Variants in TNKS observed in about 807,000 individuals in gnomAD.
The protein encoded by TNKS is tankyrase.
A neutral mutation model predicts 135.8 loss-of-function variants in TNKS; 72 were observed. The ratio of observed to expected loss-of-function variants is 0.53; its 90% confidence interval spans 0.44 to 0.64. The LOEUF (loss-of-function observed/expected upper bound fraction) is 0.64, where lower values mean the gene tolerates loss of function less well. TNKS is among the 30% of genes least tolerant of loss of function. The pLI is 0.00. For synonymous variants in TNKS, 849 were observed against 649.3 expected (o/e 1.31, Z -4.68); for missense variants, 1,769 against 1,674.0 (o/e 1.06, Z -0.99).
At chr8:9,749,630 A>G (rs1309475545) in intron 18 of TNKS, among the ~76,000 whole-genome samples, 1 of 151,938 alleles carries the variant, frequency 6.6e-6, no homozygotes, top group African/African-American at 2.4e-5. Flanking sequence ...ACATGCCACT[A>G]TGCCTGGCTA....
At chr8:9,715,872 C>G (rs1804578006) in intron 11 of TNKS, among the ~76,000 whole-genome samples, 1 of 152,096 alleles carries the variant, frequency 6.6e-6, no homozygotes, top group Non-Finnish European at 1.5e-5. Flanking sequence ...GACATGAAGA[C>G]TTTATCCTTC....
In TNKS at chr8:9,720,589, C is replaced by A. The variant is rs757469543; in HGVS notation, c.1921+44C>A. 1.3e-5 allele frequency: 21 copies of A among 1,562,824 alleles called. No individual in the cohort carries two copies. The South Asian group carries it at 2.4e-4, about 18-fold the overall frequency. On this transcript the variant is annotated intron_variant, in intron 12 of 26. Coordinates refer to ENST00000310430, the MANE Select transcript of TNKS (RefSeq NM_003747.3). ...ACAGGGCATTTTATGTTTTCTCTTC[C>A]ATCCCTGCTGAAATACACAGACAAA...
intron 3 of TNKS, among the ~76,000 whole-genome samples, chr8:9,654,903 G>T (rs1055955694): frequency 1.3e-5 from 2 of 151,372 alleles, no homozygotes; most frequent in African/African-American, 4.9e-5. Context: ...GTGGGTGCAG[G>T]ACAGTGGGTG....
At position 9,556,312 on chromosome 8, in the gene TNKS, A is replaced by G; in HGVS notation, c.373A>G (p.Ser125Gly). 1.2e-6 allele frequency: 2 copies of G among 1,614,224 alleles called. No individual in the cohort carries two copies. Among genetic ancestry groups the G allele is most frequent in the Non-Finnish European group, 1.7e-6 (2 of 1,180,020 alleles). The change falls in exon 1 of 27, where the codon AGT becomes GGT. Residue 125 changes from serine to glycine, a missense_variant. Around this residue, in one of 5 missense-constraint regions of TNKS, gnomAD observed 450 missense variants for 304.9 expected, o/e 1.48. Coordinates refer to ENST00000310430, the MANE Select transcript of TNKS (RefSeq NM_003747.3). ...CGCTCCCAACCCAGCCGGCAGTGGC[A>G]GTAACAATTCACCGTCGTCCTCTTC... ...GVAPNPAGSG[S>G]NNSPSSSSSP...
intron 5 of TNKS, among the ~76,000 whole-genome samples, chr8:9,684,566 A>G (rs1446904724): frequency 2.0e-5 from 3 of 152,114 alleles, no homozygotes; most frequent in Non-Finnish European, 4.4e-5. Context: ...ACTATTGCAC[A>G]TATTTCCAAA....
intron 3 of TNKS, among the ~76,000 whole-genome samples, chr8:9,616,879 C>T (rs1253099093): frequency 6.6e-6 from 1 of 152,146 alleles, no homozygotes; most frequent in Non-Finnish European, 1.5e-5. Context: ...CTCGGGCCTG[C>T]TCAGATTCTA....
In TNKS at chr8:9,693,231, G is replaced by T. The variant is rs574453988; in HGVS notation, c.1108-11432G>T. 2.0e-5 allele frequency among the ~76,000 whole-genome samples: 3 copies of T among 152,270 alleles called. No homozygotes were observed. The East Asian group carries it at 5.8e-4, about 29-fold the overall frequency. ...GGTACAGCCACACAATGGAAATACT[G>T]TACAGCTCTTACAAAGAATAAGACA... On this transcript the variant is annotated intron_variant, in intron 5 of 26. Coordinates refer to ENST00000310430, the MANE Select transcript of TNKS (RefSeq NM_003747.3).
At chr8:9,759,044 C>A (rs1159738963) in intron 20 of TNKS, among the ~76,000 whole-genome samples, 1 of 152,162 alleles carries the variant, frequency 6.6e-6, no homozygotes, top group Non-Finnish European at 1.5e-5. Flanking sequence ...CCATGTGAGC[C>A]TGTATAACAT....
At chr8:9,575,957 C>G (rs1290382109) in intron 1 of TNKS, among the ~76,000 whole-genome samples, 1 of 152,138 alleles carries the variant, frequency 6.6e-6, no homozygotes, top group Non-Finnish European at 1.5e-5. Flanking sequence ...AAAAATAATT[C>G]TGTTGAATTT....
intron 3 of TNKS, among the ~76,000 whole-genome samples, chr8:9,663,137 A>G (rs561000117): frequency 6.6e-6 from 1 of 152,242 alleles, no homozygotes; most frequent in East Asian, 1.9e-4. Context: ...AGACAAGGAA[A>G]TGTGTTTTCC....
intron 2 of TNKS, among the ~76,000 whole-genome samples, chr8:9,611,726 C>G (rs1258126196): frequency 6.6e-6 from 1 of 152,152 alleles, no homozygotes; most frequent in Non-Finnish European, 1.5e-5. Flanking sequence ...ACATAAATCC[C>G]CATAGAGAAC....
At chr8:9,711,370 T>A (rs910690058) in intron 11 of TNKS, among the ~76,000 whole-genome samples, 2 of 152,208 alleles carry the variant, frequency 1.3e-5, no homozygotes, top group Admixed American at 1.3e-4. Context: ...CTCACTTGTT[T>A]GTTCCCTTTC....
intron 2 of TNKS, among the ~76,000 whole-genome samples, chr8:9,586,086 A>G (rs868087933): frequency 2.6e-5 from 4 of 152,184 alleles, no homozygotes; most frequent in Non-Finnish European, 4.4e-5. Context: ...TAGAAAGTAC[A>G]TGCTCATTAT....
chr8:9,610,776 A>G (rs1294839140), intron 2 of TNKS, among the ~76,000 whole-genome samples: 2 of 152,216 alleles, frequency 1.3e-5, no homozygotes, highest in African/African-American at 4.8e-5. Context: ...TTTAGCTTGG[A>G]AAATTCACAT....
At chr8:9,654,952 G>C (rs1032110594) in intron 3 of TNKS, among the ~76,000 whole-genome samples, 1 of 152,182 alleles carries the variant, frequency 6.6e-6, no homozygotes, top group Non-Finnish European at 1.5e-5. Context: ...GTGAGGCATC[G>C]CCTCACCTGG....
At chr8:9,733,972 A>T in intron 15 of TNKS, among the ~76,000 whole-genome samples, 1 of 152,166 alleles carries the variant, frequency 6.6e-6, no homozygotes, top group East Asian at 1.9e-4. Context: ...AACTAACTAT[A>T]ATTTATGCTC....
chr8:9,615,815 T>C lies in TNKS; in HGVS notation c.994+138T>C, dbSNP rs1799625096. ...TCTGCCATTATCTACTACTTTATTA[T>C]TGATTTGATATCTGTCTCATTAATT... On this transcript the variant is annotated intron_variant, in intron 3 of 26. Transcript: ENST00000310430. 17 of 629,400 alleles carry C rather than the reference T, an allele frequency of 2.7e-5. No individual in the cohort carries two copies. In the South Asian group the frequency reaches 3.0e-4, roughly 11 times the overall value. 39.0% of individuals were successfully genotyped at this position (629,400 alleles called of 1,614,324 possible).
intron 3 of TNKS, among the ~76,000 whole-genome samples, chr8:9,617,678 A>C (rs980450530): frequency 2.0e-5 from 3 of 152,230 alleles, no homozygotes; most frequent in Non-Finnish European, 4.4e-5. Flanking sequence ...GCTAAATTTA[A>C]AAGATTAAAC....
At chr8:9,741,448 A>G (rs1429839655) in intron 17 of TNKS, among the ~76,000 whole-genome samples, 1 of 152,160 alleles carries the variant, frequency 6.6e-6, no homozygotes, top group East Asian at 1.9e-4. Context: ...ATTAGCCTTC[A>G]CCTTTCACAG....
Sources: gnomAD v4.1 joint callset for allele counts (sites outside exome capture counted in the v4.1 genomes callset) on GRCh38, gnomAD v4.1.1 for gene constraint, gnomAD v4.1.1 regional missense constraint, MANE v1.5 for transcripts, NCBI Gene and HGNC (gene_info 2026-07-23, HGNC 2026-07-21) for gene names.